Variants in NRXN3 observed in about 807,000 individuals in gnomAD.
NRXN3 encodes neurexin 3.
Under a neutral mutation model 137.6 loss-of-function variants are expected in NRXN3, and 32 were observed. The ratio of observed to expected loss-of-function variants is 0.23; its 90% CI spans 0.18 to 0.31. The LOEUF is 0.31. Among genes scored for constraint, NRXN3 ranks in the 10% least tolerant of loss-of-function variants. The probability of loss-of-function intolerance (pLI) is 1.00; values close to 1 mark genes in which losing one functional copy is unlikely to be tolerated. For synonymous variants in NRXN3, 798 were observed against 784.5 expected, an observed-to-expected ratio of 1.02 and a Z score of -0.29; for missense variants, 1,574 against 2,062.5, an observed-to-expected ratio of 0.76 and a Z score of 4.59.
chr14:78,339,837 C>T (rs1597495444), intron 4 of NRXN3, among the ~76,000 whole-genome samples: 1 of 152,266 alleles, frequency 6.6e-6, no homozygotes. Context: ...ATGAGGAGCA[C>T]TGAGAAGAAG....
chr14:79,560,503 G>GTTTTTTTTTTTTTTT (rs1567504638), intron 16 of NRXN3, among the ~76,000 whole-genome samples: 1 of 39,568 alleles, frequency 2.5e-5, no homozygotes, highest in African/African-American at 7.4e-5. Flanking sequence ...AAGATTGTAA[G>GTTTTTTTTTTTTTTT]CTTTTTTTTT....
chr14:78,189,212 C>T (rs767607317), intron 1 of NRXN3, among the ~76,000 whole-genome samples: 2 of 152,150 alleles, frequency 1.3e-5, no homozygotes, highest in Non-Finnish European at 2.9e-5. Flanking sequence ...TGGTCCAAGC[C>T]GCCCCCACCA....
intron 15 of NRXN3, among the ~76,000 whole-genome samples, chr14:79,435,442 G>A (rs1203261540): frequency 1.3e-5 from 2 of 151,986 alleles, no homozygotes; most frequent in East Asian, 3.9e-4. Flanking sequence ...AAGATGTTGT[G>A]GGACAGAATC....
At chr14:78,973,695 A>T (rs2099452704) in intron 14 of NRXN3, among the ~76,000 whole-genome samples, 1 of 152,126 alleles carries the variant, frequency 6.6e-6, no homozygotes, top group Non-Finnish European at 1.5e-5. Context: ...AAAGTCAGTA[A>T]TGGCCCACTG....
intron 4 of NRXN3, among the ~76,000 whole-genome samples, chr14:78,393,858 G>C (rs2091099053): frequency 6.6e-6 from 1 of 151,854 alleles, no homozygotes; most frequent in African/African-American, 2.4e-5. Flanking sequence ...AAGTTTTTGA[G>C]CAATCATAAG....
rs375135879 is a variant in NRXN3, at chr14:78,659,979, C to T, written c.1221+8653C>T. Among the ~76,000 whole-genome samples, 15 of 152,082 alleles carry T rather than the reference C, an allele frequency of 9.9e-5. 1 individual carries two copies. The highest frequency in any genetic ancestry group is 2.4e-4 in the African/African-American group (10 of 41,472). ...AGTTTGGACCCATAACATACAGAGG[C>T]ACAGAGGAAGAAGGAGCGAAACCCT... On this transcript the variant is annotated intron_variant, in intron 6 of 20. Transcript: ENST00000335750.
At chr14:79,482,574 G>T (rs2096619204) in intron 16 of NRXN3, among the ~76,000 whole-genome samples, 1 of 151,968 alleles carries the variant, frequency 6.6e-6, no homozygotes, top group Non-Finnish European at 1.5e-5. Flanking sequence ...AATGACTATG[G>T]CCATTTCTAT....
At chr14:79,664,415 A>T (rs2098548485) in intron 17 of NRXN3, among the ~76,000 whole-genome samples, 1 of 152,166 alleles carries the variant, frequency 6.6e-6, no homozygotes, top group Admixed American at 6.5e-5. Context: ...AGATCAAGTC[A>T]TGGTAACAAT....
At chr14:79,155,298 C>T (rs1371584508) in intron 15 of NRXN3, among the ~76,000 whole-genome samples, 5 of 151,736 alleles carry the variant, frequency 3.3e-5, no homozygotes, top group African/African-American at 9.7e-5. Flanking sequence ...TTGTTAGTAA[C>T]ATATTAAACA....
intron 16 of NRXN3, among the ~76,000 whole-genome samples, chr14:79,529,017 C>T (rs150620706): frequency 6.6e-6 from 1 of 152,148 alleles, no homozygotes; most frequent in African/African-American, 2.4e-5. Context: ...CAGCGCTTAC[C>T]AGAGGACCAT....
intron 16 of NRXN3, among the ~76,000 whole-genome samples, chr14:79,631,213 G>C (rs1432345941): frequency 6.6e-6 from 1 of 152,228 alleles, no homozygotes; most frequent in African/African-American, 2.4e-5. Flanking sequence ...ACTTTAATTG[G>C]TAAATTATAG....
At chr14:78,840,098 G>A (rs541600628) in intron 10 of NRXN3, among the ~76,000 whole-genome samples, 1 of 152,120 alleles carries the variant, frequency 6.6e-6, no homozygotes. Context: ...AGTGACAGTT[G>A]TTTCTAAAAT....
At chr14:79,100,539 G>C (rs755282079) in intron 15 of NRXN3, among the ~76,000 whole-genome samples, 13 of 152,180 alleles carry the variant, frequency 8.5e-5, no homozygotes, top group African/African-American at 2.9e-4. Context: ...TCCTAGAAAT[G>C]AGTTGTTAAT....
intron 15 of NRXN3, among the ~76,000 whole-genome samples, chr14:79,348,378 C>CT (rs10628515): frequency 0.053 from 7,164 of 135,902 alleles, 513 homozygotes; most frequent in African/African-American, 0.16. Context: ...AATCTTCTCT[C>CT]TTTTTTTTTT....
chr14:79,864,105 G>C lies in NRXN3; in HGVS notation c.*2141G>C, dbSNP rs1311042698. 6.6e-6 allele frequency: 1 copy of C among 152,550 alleles called. No homozygotes were observed. The highest frequency in any genetic ancestry group is 2.4e-5 in the African/African-American group (1 of 41,430). 9.4% of individuals were successfully genotyped at this position (152,550 alleles called of 1,614,324 possible). On this transcript the variant is annotated 3_prime_UTR_variant, in exon 21 of 21. Transcript: ENST00000335750. ...GCCTATACGAAGTTGATTATATCTC[G>C]ATGTCTGTAAAAGATTGCTGTTCTT...
At chr14:79,559,076 A>T (rs574475230) in intron 16 of NRXN3, among the ~76,000 whole-genome samples, 1 of 152,256 alleles carries the variant, frequency 6.6e-6, no homozygotes, top group South Asian at 2.1e-4. Flanking sequence ...CTTTGGCTTA[A>T]GGAAAGATTG....
chr14:79,796,431 C>A (rs1568282095), intron 19 of NRXN3, among the ~76,000 whole-genome samples: 2 of 152,070 alleles, frequency 1.3e-5, no homozygotes, highest in East Asian at 3.9e-4. Flanking sequence ...CAGATTAATC[C>A]CTTTTCCACC....
At chr14:79,513,719 A>G (rs1351401555) in intron 16 of NRXN3, among the ~76,000 whole-genome samples, 1 of 152,206 alleles carries the variant, frequency 6.6e-6, no homozygotes, top group African/African-American at 2.4e-5. Flanking sequence ...CAAGGATGTG[A>G]ATCTGTAATT....
rs1466977009 is a variant in NRXN3, at chr14:78,912,359, A to G, written c.2276-44883A>G. On this transcript the variant is annotated intron_variant, in intron 10 of 20. Transcript: ENST00000335750. ...TGGCTAACAAAAGAATAGAGAAGCA[A>G]TCAGTTCTTACTGTCAGTTAGAAAA... 2.0e-5 allele frequency among the ~76,000 whole-genome samples: 3 copies of G among 151,278 alleles called. No homozygotes were observed. In the South Asian group the frequency reaches 6.3e-4, roughly 32 times the overall value.
Sources: allele counts gnomAD v4.1 joint callset (sites outside exome capture counted in the v4.1 genomes callset), GRCh38; gene constraint gnomAD v4.1.1; transcripts MANE v1.5; gene names NCBI Gene and HGNC (gene_info 2026-07-23, HGNC 2026-07-21).